UBAP2: variants seen among roughly 807,000 people sequenced by gnomAD.
The protein encoded by UBAP2 is ubiquitin-associated protein 2.
A neutral mutation model predicts 139.6 loss-of-function variants in UBAP2; 75 were observed. The observed-to-expected ratio is 0.54, with a 90% CI of 0.45 to 0.65. UBAP2 has a LOEUF of 0.65. Ranked by LOEUF, UBAP2 falls within the 30% of genes least tolerant of loss-of-function variation. The probability of loss-of-function intolerance (pLI) is 0.00; values close to 1 mark genes in which losing one functional copy is unlikely to be tolerated. For synonymous variants in UBAP2, 526 were observed against 526.2 expected, an observed-to-expected ratio of 1.00 and a Z score of 0.01; for missense variants, 1,368 against 1,369.6, an observed-to-expected ratio of 1.00 and a Z score of 0.02.
chr9:33,979,201 G>A (rs1820420524), intron 6 of UBAP2, among the ~76,000 whole-genome samples: 1 of 152,168 alleles, frequency 6.6e-6, no homozygotes, highest in African/African-American at 2.4e-5. Flanking sequence ...TCATGCCACT[G>A]TACTCCAGGA....
At chr9:33,961,597 A>G (rs565986263) in intron 9 of UBAP2, among the ~76,000 whole-genome samples, 1 of 152,382 alleles carries the variant, frequency 6.6e-6, no homozygotes. Context: ...CATGTATGAA[A>G]AAAATGCCCA....
chr9:33,923,275 T>C lies in UBAP2; in HGVS notation c.2915A>G (p.Gln972Arg), dbSNP rs999113925. 6 of 1,614,066 alleles carry C rather than the reference T, an allele frequency of 3.7e-6. No homozygotes were observed. The African/African-American group carries it at 5.3e-5, about 14-fold the overall frequency. The change falls in exon 26 of 29, where the codon CAG becomes CGG. Residue 972 changes from glutamine to arginine, a missense_variant. By Grantham distance (43) the Gln-to-Arg change is conservative (BLOSUM62 1). Coordinates refer to ENST00000379238, the MANE Select transcript of UBAP2 (RefSeq NM_001370062.2). Reference protein sequence around the residue: ...GYSTGYDDLTQGTAAGDYSKG... With the variant: ...GYSTGYDDLTRGTAAGDYSKG... ...GGAGTAGTCTCCTGCTGCTGTCCCCTGGGTCAGGTCGTCATAACCTAGCGT... is the reference window on the plus strand; with the variant it reads ...GGAGTAGTCTCCTGCTGCTGTCCCCCGGGTCAGGTCGTCATAACCTAGCGT...
At chr9:34,032,560 C>T (rs368448414) in intron 1 of UBAP2, among the ~76,000 whole-genome samples, 14 of 152,278 alleles carry the variant, frequency 9.2e-5, no homozygotes, top group East Asian at 7.7e-4. Context: ...CTTAGGGATA[C>T]AAGTTCAATA....
intron 7 of UBAP2, among the ~76,000 whole-genome samples, chr9:33,972,772 T>C (rs982335957): frequency 3.9e-5 from 6 of 152,228 alleles, no homozygotes; most frequent in African/African-American, 1.4e-4. Flanking sequence ...TACATTTACT[T>C]AGCATTCAAA....
chr9:33,960,271 C>T (rs1389390853), intron 10 of UBAP2, among the ~76,000 whole-genome samples: 1 of 151,994 alleles, frequency 6.6e-6, no homozygotes, highest in Non-Finnish European at 1.5e-5. Context: ...TTTCCAATCT[C>T]CCAATCATCT....
At chr9:34,012,291 G>T (rs913955334) in intron 2 of UBAP2, among the ~76,000 whole-genome samples, 2 of 152,194 alleles carry the variant, frequency 1.3e-5, no homozygotes, top group African/African-American at 4.8e-5. Flanking sequence ...AGCACTTTGG[G>T]AGGTCAAGGC....
intron 16 of UBAP2, among the ~76,000 whole-genome samples, chr9:33,940,156 G>C (rs1235888773): frequency 6.6e-6 from 1 of 152,114 alleles, no homozygotes; most frequent in African/African-American, 2.4e-5. Context: ...GACATCGGAT[G>C]CATGCAGGCA....
intron 8 of UBAP2, among the ~76,000 whole-genome samples, chr9:33,970,511 C>A (rs1342416017): frequency 6.6e-6 from 1 of 151,546 alleles, no homozygotes; most frequent in African/African-American, 2.4e-5. Context: ...CTCACTGCAT[C>A]CTCAACCTGC....
chr9:33,928,317 A>G (rs956266980), intron 19 of UBAP2: 3 of 291,362 alleles, frequency 1.0e-5, no homozygotes, highest in Non-Finnish European at 1.9e-5. Context: ...AAATCCCAAG[A>G]TAACTTCGGA....
At chr9:33,943,040 T>A (rs1825370369) in intron 15 of UBAP2, among the ~76,000 whole-genome samples, 1 of 151,450 alleles carries the variant, frequency 6.6e-6, no homozygotes, top group Non-Finnish European at 1.5e-5. Flanking sequence ...ACAACCCAAA[T>A]GTCCACCAAC....
intron 4 of UBAP2, among the ~76,000 whole-genome samples, chr9:33,992,656 G>A (rs1821814594): frequency 1.2e-4 from 3 of 24,654 alleles, no homozygotes; most frequent in South Asian, 8.6e-4. Flanking sequence ...CTTATCGGGC[G>A]GAGGGGGGGG....
At chr9:33,997,400 CA>C (rs1822295069) in intron 3 of UBAP2, 1 of 152,200 alleles carries the variant, frequency 6.6e-6, no homozygotes, top group South Asian at 2.1e-4. Flanking sequence ...CCCAACATAT[CA>C]AGTGATTTGT....
chr9:33,994,704 G>C (rs1331390594), intron 4 of UBAP2: 1 of 149,418 alleles, frequency 6.7e-6, no homozygotes, highest in Non-Finnish European at 1.5e-5. Flanking sequence ...GGTTTGTCTT[G>C]TGTACCAGTG....
intron 6 of UBAP2, among the ~76,000 whole-genome samples, chr9:33,975,797 G>C (rs977818630): frequency 7.2e-6 from 1 of 139,030 alleles, no homozygotes; most frequent in Non-Finnish European, 1.5e-5. Context: ...ACAAGACTCC[G>C]TCTCAAAAAA....
intron 16 of UBAP2, 120 bp from the exon 17 acceptor site, chr9:33,935,998 T>C: frequency 9.4e-7 from 1 of 1,067,618 alleles, no homozygotes; most frequent in Non-Finnish European, 1.3e-6. Context: ...TTTTATTCTA[T>C]TTTTTAATAA....
At chr9:33,955,703 G>T (rs1826500506) in intron 11 of UBAP2, among the ~76,000 whole-genome samples, 1 of 151,702 alleles carries the variant, frequency 6.6e-6, no homozygotes, top group Admixed American at 6.6e-5. Flanking sequence ...GCGCATGCCT[G>T]TAATCCCAGC....
intron 1 of UBAP2, among the ~76,000 whole-genome samples, chr9:34,017,544 T>G (rs1169125999): frequency 6.6e-6 from 1 of 152,192 alleles, no homozygotes; most frequent in African/African-American, 2.4e-5. Flanking sequence ...CCAGCCAAGA[T>G]TTTACCTGCC....
Position 33,941,770 on chromosome 9 carries a change from G to A in UBAP2, c.1808C>T (p.Ser603Leu). 1 of 1,614,086 alleles carries A rather than the reference G, an allele frequency of 6.2e-7. No homozygotes were observed. Among genetic ancestry groups the A allele is most frequent in the Non-Finnish European group, 8.5e-7 (1 of 1,179,964 alleles). The change falls in exon 16 of 29, where the codon TCA (serine) becomes TTA (leucine). Residue 603 changes from serine (S) to leucine (L), a missense_variant. Coordinates refer to ENST00000379238, the MANE Select transcript of UBAP2 (RefSeq NM_001370062.2). ...TACTGGACTAGCAGAATTCAGTGAT[G>A]AGCTTGTCAGACTGCAGGAGGTAAT... is the stretch of plus-strand genomic sequence containing the variant. ...SVITSCSLTSSSLNSASPVAM... is the reference protein window; with the variant it reads ...SVITSCSLTSLSLNSASPVAM...
chr9:33,989,141 G>C lies in UBAP2; in HGVS notation c.289-15C>G. The C allele has an allele frequency of 3.8e-6, 6 of 1,590,026 alleles. No homozygotes were observed. The highest frequency in any genetic ancestry group is 5.1e-6 in the Non-Finnish European group (6 of 1,172,556). ...TCCCATGAAGTCTATCAGAGAGAAC[G>C]GCTGTTAATCATTTATCATTCAAAG... On this transcript the variant is annotated splice_polypyrimidine_tract_variant and intron_variant, in intron 4 of 28. Transcript: ENST00000379238.
Sources: allele counts gnomAD v4.1 joint callset (sites outside exome capture counted in the v4.1 genomes callset), GRCh38; gene constraint gnomAD v4.1.1; transcripts MANE v1.5; gene names NCBI Gene and HGNC (gene_info 2026-07-23, HGNC 2026-07-21).